The following POU3F3 variants were observed in gnomAD, a reference collection of about 807,000 sequenced individuals.
POU3F3 encodes the protein POU domain, class 3, transcription factor 3.
POU3F3 carries 1 observed loss-of-function variant against 8.6 expected under a neutral mutation model. The ratio of observed to expected loss-of-function variants is 0.12; its 90% CI spans 0.04 to 0.55. The LOEUF is 0.55. POU3F3 is among the 20% of genes least tolerant of loss of function. The probability of loss-of-function intolerance (pLI) is 0.91; values close to 1 mark genes in which losing one functional copy is unlikely to be tolerated. For missense variants in POU3F3, 577 were observed against 690.7 expected, an observed-to-expected ratio of 0.84 and a Z score of 1.84; for synonymous variants, 418 against 327.4, an observed-to-expected ratio of 1.28 and a Z score of -2.99.
At chr2:104,920,924 C>T in the POU3F3 span, among the ~76,000 whole-genome samples, 1,086 of 152,210 alleles carry the variant, frequency 7.1e-3, 12 homozygotes, top group South Asian at 0.042. Context: ...GAAGTCTCCC[C>T]CCACATTCAT....
At chr2:104,923,996 G>T in the POU3F3 span, among the ~76,000 whole-genome samples, 3 of 152,152 alleles carry the variant, frequency 2.0e-5, no homozygotes, top group Non-Finnish European at 2.9e-5. Flanking sequence ...TGGGGAGAGA[G>T]AAGAAGGGGG....
chr2:104,915,151 C>A, the POU3F3 span, among the ~76,000 whole-genome samples: 5 of 152,202 alleles, frequency 3.3e-5, no homozygotes, highest in Admixed American at 1.3e-4. Flanking sequence ...CATCAGAATT[C>A]TCTATCTGGG....
the POU3F3 span, among the ~76,000 whole-genome samples, chr2:104,916,279 A>G: frequency 6.6e-6 from 1 of 152,186 alleles, no homozygotes; most frequent in East Asian, 1.9e-4. Context: ...TTGACAGCCT[A>G]CTCTGTGCCA....
At chr2:104,867,125 C>G in the POU3F3 span, 8 of 152,256 alleles carry the variant, frequency 5.3e-5, no homozygotes, top group Non-Finnish European at 1.2e-4. This position sits in a 1 kb window ranked among gnomAD's most constrained non-coding sequence, Gnocchi z 5.0. Flanking sequence ...TGCAGCATCC[C>G]GAGGTCACAT....
chr2:104,864,568 A>G, the POU3F3 span, among the ~76,000 whole-genome samples: 192 of 152,326 alleles, frequency 1.3e-3, no homozygotes, highest in African/African-American at 4.4e-3. Context: ...TACATAATAA[A>G]CAGGGAGCCA....
At chr2:104,877,699 G>A in the POU3F3 span, among the ~76,000 whole-genome samples, 2 of 140,834 alleles carry the variant, frequency 1.4e-5, no homozygotes, top group South Asian at 2.2e-4. Flanking sequence ...TCACTCTGTC[G>A]CCAGGCTGGA....
Position 104,855,809 on chromosome 2 carries a change from C to A in POU3F3, c.299C>A (p.Ala100Asp). 4 of 1,210,128 alleles carry A rather than the reference C, an allele frequency of 3.3e-6. No individual in the cohort carries two copies. The highest frequency in any genetic ancestry group is 4.2e-6 in the Non-Finnish European group (4 of 963,840). 75.0% of individuals were successfully genotyped at this position (1,210,128 alleles called of 1,614,324 possible). The change falls in exon 1 of 1, where the codon GCC becomes GAC. Residue 100 changes from alanine to aspartate, a missense_variant. Physicochemically the swap from Ala to Asp is moderately radical, Grantham distance 126. Transcript: ENST00000361360. ...AGCCACGCGCACCAGTGGGTCACAGCCCTGCCCCACGCCGCCGCCGCCGCC... is the reference window on the plus strand; with the variant it reads ...AGCCACGCGCACCAGTGGGTCACAGACCTGCCCCACGCCGCCGCCGCCGCC... ...MLSHAHQWVT[A>D]LPHAAAAAAA... is the part of the protein sequence containing the mutation.
Position 104,854,149 on chromosome 2 carries a change from A to G in POU3F3, c.-1362A>G, listed in dbSNP as rs1243794888. Among the ~76,000 whole-genome samples, 1 of 152,122 alleles carries G rather than the reference A, an allele frequency of 6.6e-6. No individual in the cohort carries two copies. Among genetic ancestry groups the G allele is most frequent in the Non-Finnish European group, 1.5e-5 (1 of 68,020 alleles). ...TCCCCGCTCTGAGAGGGAGGGACAG[A>G]GAGCGAACTGTCAGATCGGAGCGAG... is the stretch of plus-strand genomic sequence containing the variant. On this transcript the variant is annotated 5_prime_UTR_variant, in exon 1 of 1. Coordinates refer to ENST00000361360, the MANE Select transcript of POU3F3 (RefSeq NM_006236.3). This position sits in a 1 kb window ranked among gnomAD's most constrained non-coding sequence, Gnocchi z 4.5.
At chr2:104,911,713 A>T in the POU3F3 span, among the ~76,000 whole-genome samples, 5 of 152,036 alleles carry the variant, frequency 3.3e-5, no homozygotes, top group Non-Finnish European at 7.4e-5. Flanking sequence ...AAGATGTGGA[A>T]GAGAAAGGAC....
At chr2:104,875,531 C>T in the POU3F3 span, among the ~76,000 whole-genome samples, 1 of 152,182 alleles carries the variant, frequency 6.6e-6, no homozygotes, top group Non-Finnish European at 1.5e-5. Flanking sequence ...TTAGTAACAG[C>T]CATCCCAGTT....
chr2:104,909,353 G>C, the POU3F3 span, among the ~76,000 whole-genome samples: 1 of 152,324 alleles, frequency 6.6e-6, no homozygotes, highest in Non-Finnish European at 1.5e-5. Context: ...GAAGCCAGAA[G>C]ATATGCCAGA....
At chr2:104,905,655 T>C in the POU3F3 span, among the ~76,000 whole-genome samples, 1 of 152,220 alleles carries the variant, frequency 6.6e-6, no homozygotes, top group African/African-American at 2.4e-5. Context: ...TCCAGCCCTC[T>C]TTTCTAGTTT....
chr2:104,877,049 TACAC>T, the POU3F3 span, among the ~76,000 whole-genome samples: 1 of 150,536 alleles, frequency 6.6e-6, no homozygotes, highest in Non-Finnish European at 1.5e-5. Context: ...GACTGTGGTA[TACAC>T]ACACACACAC....
downstream of POU3F3, among the ~76,000 whole-genome samples, chr2:104,862,701 C>A (rs533367508): frequency 7.9e-4 from 121 of 152,292 alleles, no homozygotes; most frequent in African/African-American, 2.7e-3. Context: ...GCAAAACGCA[C>A]GAACCTTTCT....
the POU3F3 span, among the ~76,000 whole-genome samples, chr2:104,878,819 A>C: frequency 1.3e-5 from 2 of 152,298 alleles, no homozygotes; most frequent in African/African-American, 4.8e-5. Flanking sequence ...CCTGAGAGTC[A>C]CTGCACTATG....
the POU3F3 span, among the ~76,000 whole-genome samples, chr2:104,919,483 C>T: frequency 6.6e-6 from 1 of 152,204 alleles, no homozygotes; most frequent in Non-Finnish European, 1.5e-5. Flanking sequence ...GCAGGCCAAA[C>T]ATCCGACTTA....
At chr2:104,881,418 A>G in the POU3F3 span, among the ~76,000 whole-genome samples, 1 of 152,090 alleles carries the variant, frequency 6.6e-6, no homozygotes, top group African/African-American at 2.4e-5. Context: ...CTCTTGCCTC[A>G]GCCTCCCAAA....
chr2:104,853,309 G>C (rs1487840356), upstream of POU3F3: 1 of 152,556 alleles, frequency 6.6e-6, no homozygotes, highest in African/African-American at 2.4e-5. Flanking sequence ...CGAGCGGTCC[G>C]TCTCGCACGC....
chr2:104,855,952 G>T lies in POU3F3; in HGVS notation c.442G>T (p.Asp148Tyr). The T allele has an allele frequency of 9.5e-7, 1 of 1,054,932 alleles. No individual in the cohort carries two copies. Among genetic ancestry groups the T allele is most frequent in the Non-Finnish European group, 1.1e-6 (1 of 874,310 alleles). The allele number at this position is 1,054,932 out of a possible 1,614,324, so 65.3% of individuals were successfully genotyped here. The change falls in exon 1 of 1, where the codon GAC becomes TAC. Residue 148 changes from aspartate to tyrosine, a missense_variant. Asp to Tyr is a radical substitution (Grantham distance 160). Coordinates refer to ENST00000361360, the MANE Select transcript of POU3F3 (RefSeq NM_006236.3). ...GCCGCCGCCACCGCCGCAGGGCCCC[G>T]ACGTGAAGGGCGGCGCCGGGCGCGA... Reference protein sequence around the residue: ...QPPPPPPQGPDVKGGAGRDDL... With the variant: ...QPPPPPPQGPYVKGGAGRDDL...
Sources: allele counts gnomAD v4.1 joint callset (sites outside exome capture counted in the v4.1 genomes callset), GRCh38; gene constraint gnomAD v4.1.1; non-coding constraint Gnocchi (gnomAD v3.1); transcripts MANE v1.5; gene names NCBI Gene and HGNC (gene_info 2026-07-23, HGNC 2026-07-21).